The following THSD7B variants were observed in gnomAD, a reference collection of about 807,000 sequenced individuals.
THSD7B encodes thrombospondin type 1 domain containing 7B.
A neutral mutation model predicts 213.6 loss-of-function variants in THSD7B; 138 were observed. The observed-to-expected ratio is 0.65, with a 90% confidence interval of 0.56 to 0.74. THSD7B has a LOEUF of 0.74. THSD7B is among the 30% of genes least tolerant of loss of function. The pLI is 0.00. For synonymous variants in THSD7B, 742 were observed against 687.0 expected (o/e 1.08, Z -1.25); for missense variants, 1,931 against 1,991.5 (o/e 0.97, Z 0.58).
chr2:136,833,730 C>A (rs1045905432), intron 1 of THSD7B, among the ~76,000 whole-genome samples: 1 of 152,114 alleles, frequency 6.6e-6, no homozygotes. Flanking sequence ...ATAATTTAGA[C>A]CATCATTAAG....
At chr2:137,137,317 A>T (rs1052813097) in intron 5 of THSD7B, among the ~76,000 whole-genome samples, 1 of 152,156 alleles carries the variant, frequency 6.6e-6, no homozygotes, top group African/African-American at 2.4e-5. Flanking sequence ...GCAACCATTC[A>T]TCAGTTTTCT....
chr2:137,385,164 G>T (rs16838858), intron 12 of THSD7B, among the ~76,000 whole-genome samples: 18,428 of 152,154 alleles, frequency 0.12, 1,195 homozygotes, highest in South Asian at 0.18. Flanking sequence ...AAAAGAGACC[G>T]CACCTTTACC....
intron 1 of THSD7B, among the ~76,000 whole-genome samples, chr2:136,818,986 A>G (rs928920970): frequency 6.6e-5 from 10 of 152,242 alleles, no homozygotes; most frequent in Non-Finnish European, 1.5e-4. Flanking sequence ...TTTAATGAAC[A>G]TGAAAACCAC....
At chr2:137,375,238 A>G (rs1251712833) in intron 12 of THSD7B, among the ~76,000 whole-genome samples, 1 of 152,178 alleles carries the variant, frequency 6.6e-6, no homozygotes, top group Non-Finnish European at 1.5e-5. Flanking sequence ...CTCGTGAGAC[A>G]TTGGAAGGCA....
intron 15 of THSD7B, among the ~76,000 whole-genome samples, 166 bp from the exon 16 acceptor site, chr2:137,563,055 A>C (rs752487590): frequency 6.6e-6 from 1 of 152,148 alleles, no homozygotes; most frequent in Non-Finnish European, 1.5e-5. Context: ...AAGTCAGTAA[A>C]TTCAGAGAAG....
Position 137,279,148 on chromosome 2 carries a change from T to C in THSD7B, c.2500+3122T>C, listed in dbSNP as rs895783844. Among the ~76,000 whole-genome samples the C allele has an allele frequency of 4.6e-5, 7 of 152,242 alleles. No individual in the cohort carries two copies. The East Asian group carries it at 1.4e-3, about 29-fold the overall frequency. On this transcript the variant is annotated intron_variant, in intron 12 of 27. Coordinates refer to ENST00000409968, the MANE Select transcript of THSD7B (RefSeq NM_001316349.2). ...AAACTGTAGAACAGTAAAAAAATAA[T>C]TGACTCAAAGTGAGGAGTCAGATAA...
chr2:137,580,761 G>A (rs1314255026), intron 17 of THSD7B, among the ~76,000 whole-genome samples: 1 of 152,174 alleles, frequency 6.6e-6, no homozygotes, highest in African/African-American at 2.4e-5. Context: ...TTTTACTTCG[G>A]TGAAGTGAGA....
intron 17 of THSD7B, among the ~76,000 whole-genome samples, chr2:137,587,720 G>T (rs1305817064): frequency 1.3e-5 from 2 of 152,204 alleles, no homozygotes; most frequent in Non-Finnish European, 2.9e-5. Flanking sequence ...GGGGTACCTG[G>T]CCGTGTGAGG....
rs1235744133 is a variant in THSD7B at position 137,575,742 on chromosome 2, A to ATATATATATATATATATATATTTTTT, written c.3423+3187_3423+3188insATATATATATATATATATATTTTTTT. Among the ~76,000 whole-genome samples the ATATATATATATATATATATATTTTTT allele has an allele frequency of 2.1e-4, 31 of 147,406 alleles. 1 individual carries two copies. In the South Asian group the frequency reaches 3.4e-3, roughly 16 times the overall value. On this transcript the variant is annotated intron_variant, in intron 17 of 27. Transcript: ENST00000409968. ...ATAACACACATATATATATATATAT[A>ATATATATATATATATATATATTTTTT]TTTTTACTTTAACATGCTTACTTTT...
At chr2:137,382,006 G>A (rs1685787339) in intron 12 of THSD7B, among the ~76,000 whole-genome samples, 4 of 152,180 alleles carry the variant, frequency 2.6e-5, no homozygotes, top group Admixed American at 2.6e-4. Flanking sequence ...CATCAATGCA[G>A]ATATATTCTG....
In THSD7B at chr2:137,249,779, C is replaced by T. The variant is rs142651401; in HGVS notation, c.2266+7207C>T. 7.2e-4 allele frequency among the ~76,000 whole-genome samples: 109 copies of T among 152,304 alleles called. 1 individual carries two copies. The highest frequency in any genetic ancestry group is 6.8e-3 in the Middle Eastern group (2 of 294). On this transcript the variant is annotated intron_variant, in intron 10 of 27. Transcript: ENST00000409968. The stretch of plus-strand genomic sequence containing the variant: ...CTAGGGCTTATCTGTTTTTATCCCA[C>T]GACAACGAGCTACTTGCTACATCCA...
intron 17 of THSD7B, among the ~76,000 whole-genome samples, chr2:137,593,985 T>A (rs1448455380): frequency 6.6e-6 from 1 of 152,008 alleles, no homozygotes; most frequent in East Asian, 1.9e-4. Context: ...TTGAGTCCTT[T>A]CGAAGGTGGA....
chr2:136,792,357 G>T (rs1040208191), intron 1 of THSD7B, among the ~76,000 whole-genome samples: 2 of 151,954 alleles, frequency 1.3e-5, no homozygotes, highest in African/African-American at 4.8e-5. Context: ...AGGAGTTCTG[G>T]GGGAGGGAGA....
At chr2:137,266,447 G>A (rs1329139434) in intron 10 of THSD7B, among the ~76,000 whole-genome samples, 1 of 152,134 alleles carries the variant, frequency 6.6e-6, no homozygotes, top group Non-Finnish European at 1.5e-5. Context: ...GAATCACCAG[G>A]ATGGGTTCAG....
intron 2 of THSD7B, among the ~76,000 whole-genome samples, chr2:136,977,445 G>GTA (rs1193543582): frequency 2.6e-5 from 4 of 151,854 alleles, no homozygotes; most frequent in African/African-American, 9.7e-5. Flanking sequence ...AGACTTTTCT[G>GTA]TATGTCTATC....
intron 1 of THSD7B, among the ~76,000 whole-genome samples, chr2:136,803,092 C>T (rs944495139): frequency 6.6e-6 from 1 of 151,640 alleles, no homozygotes; most frequent in Non-Finnish European, 1.5e-5. Context: ...ATTATAGATT[C>T]CTATTTCATG....
rs547321533 is a variant in THSD7B, at chr2:137,563,785, G to A, written c.3272+431G>A. 1.4e-3 allele frequency among the ~76,000 whole-genome samples: 219 copies of A among 152,258 alleles called. 1 individual carries two copies. The highest frequency in any genetic ancestry group is 4.8e-3 in the African/African-American group (201 of 41,546). On this transcript the variant is annotated intron_variant, in intron 16 of 27. Coordinates refer to ENST00000409968, the MANE Select transcript of THSD7B (RefSeq NM_001316349.2). ...AATTTAAACCCCATGATTAGCCTTG[G>A]AAACTAAAGTCTGAGAATACCTATG... is the stretch of plus-strand genomic sequence containing the variant.
At chr2:137,284,817 T>C (rs2602343) in intron 12 of THSD7B, among the ~76,000 whole-genome samples, 94,781 of 151,716 alleles carry the variant, frequency 0.62, 30,306 homozygotes, top group East Asian at 0.94. Context: ...GCTTTACTTC[T>C]AACTATGTGG....
intron 7 of THSD7B, among the ~76,000 whole-genome samples, chr2:137,212,796 T>C (rs1681146854): frequency 6.6e-6 from 1 of 151,870 alleles, no homozygotes; most frequent in African/African-American, 2.4e-5. Flanking sequence ...ATGCACTGAG[T>C]CTTGAGGATG....
Sources: allele counts gnomAD v4.1 joint callset (sites outside exome capture counted in the v4.1 genomes callset), GRCh38; gene constraint gnomAD v4.1.1; transcripts MANE v1.5; gene names NCBI Gene and HGNC (gene_info 2026-07-23, HGNC 2026-07-21).